The following TRHDE variants were observed in gnomAD, a reference collection of about 807,000 sequenced individuals.
TRHDE encodes the protein thyrotropin releasing hormone degrading enzyme.
Under a neutral mutation model 125.7 loss-of-function variants are expected in TRHDE, and 72 were observed. That is an observed-to-expected ratio of 0.57 (90% CI 0.47 to 0.70). TRHDE has a LOEUF of 0.70. Among genes scored for constraint, TRHDE ranks in the 30% least tolerant of loss-of-function variants. TRHDE has a pLI of 0.00. For missense variants in TRHDE, 1,110 were observed against 1,327.1 expected (o/e 0.84, Z 2.54); for synonymous variants, 509 against 509.1 (o/e 1.00, Z 0.00).
intron 2 of TRHDE, among the ~76,000 whole-genome samples, chr12:72,320,579 G>GTGTA (rs1304650995): frequency 1.3e-5 from 2 of 151,308 alleles, no homozygotes; most frequent in African/African-American, 4.9e-5. Context: ...GTGTGTGTGT[G>GTGTA]TGTAGCAAGT....
chr12:72,315,760 T>C (rs966099094), intron 2 of TRHDE, among the ~76,000 whole-genome samples: 2 of 152,236 alleles, frequency 1.3e-5, no homozygotes, highest in African/African-American at 4.8e-5. Context: ...TGATGCCCTC[T>C]TGTCCCTAAT....
chr12:72,578,324 G>A (rs138722145), intron 12 of TRHDE, among the ~76,000 whole-genome samples: 34 of 152,188 alleles, frequency 2.2e-4, no homozygotes, highest in Middle Eastern at 3.4e-3. Context: ...GAGCAGGGGT[G>A]GAGGAAGTAG....
At chr12:72,519,628 C>A (rs1162300975) in intron 6 of TRHDE, among the ~76,000 whole-genome samples, 1 of 152,242 alleles carries the variant, frequency 6.6e-6, no homozygotes, top group Admixed American at 6.5e-5. Context: ...TCATCTGAAG[C>A]CTTCCTCTCT....
chr12:72,397,828 ATTTAT>A (rs955273480), intron 3 of TRHDE, among the ~76,000 whole-genome samples: 6 of 151,930 alleles, frequency 3.9e-5, no homozygotes, highest in African/African-American at 1.5e-4. Context: ...TAATTAATTA[ATTTAT>A]TTATTTATTA....
intron 2 of TRHDE, among the ~76,000 whole-genome samples, chr12:72,182,132 A>G (rs1181817526): frequency 6.6e-6 from 1 of 152,182 alleles, no homozygotes; most frequent in Non-Finnish European, 1.5e-5. Context: ...AGAAATCAAA[A>G]TAGTCCTTTG....
chr12:72,347,914 G>T (rs1311804934), intron 2 of TRHDE, among the ~76,000 whole-genome samples: 2 of 151,970 alleles, frequency 1.3e-5, no homozygotes, highest in Non-Finnish European at 2.9e-5. Context: ...CTCAAAAGGA[G>T]AGGATTACAG....
rs1360179879 is a variant in TRHDE, at chr12:72,152,322, T to G, written n.279+46570T>G. On this transcript the variant is annotated intron_variant and non_coding_transcript_variant, in intron 2 of 4. Transcript: ENST00000548156. The stretch of plus-strand genomic sequence containing the variant: ...CTGAGACGATGGGGTTTTCTAGATA[T>G]ACAATCATGTCATCTGCAAACAGGG... Among the ~76,000 whole-genome samples the G allele has an allele frequency of 2.0e-5, 3 of 151,812 alleles. No individual in the cohort carries two copies. The East Asian group carries it at 5.8e-4, about 29-fold the overall frequency.
intron 2 of TRHDE, among the ~76,000 whole-genome samples, chr12:72,367,568 A>G (rs1871390254): frequency 6.6e-6 from 1 of 152,116 alleles, no homozygotes; most frequent in Non-Finnish European, 1.5e-5. Context: ...TCTGAATTTT[A>G]AATAAGACTA....
intron 12 of TRHDE, among the ~76,000 whole-genome samples, chr12:72,604,452 T>C (rs928152788): frequency 2.6e-5 from 4 of 151,914 alleles, no homozygotes; most frequent in African/African-American, 7.3e-5. Flanking sequence ...AAACATGTGA[T>C]TCTTGAGAAA....
chr12:72,512,729 G>T (rs1878662911), intron 6 of TRHDE, among the ~76,000 whole-genome samples: 1 of 148,264 alleles, frequency 6.7e-6, no homozygotes, highest in Non-Finnish European at 1.5e-5. Context: ...ACTTAGAAAG[G>T]AATAAATTAA....
chr12:72,127,180 GT>G (rs2139305267), intron 2 of TRHDE, among the ~76,000 whole-genome samples: 1 of 152,124 alleles, frequency 6.6e-6, no homozygotes, highest in East Asian at 1.9e-4. Context: ...TTATCAAAAC[GT>G]TAAAAAATAA....
chr12:72,622,573 G>T (rs1331638232), intron 15 of TRHDE, among the ~76,000 whole-genome samples: 1 of 151,964 alleles, frequency 6.6e-6, no homozygotes, highest in Non-Finnish European at 1.5e-5. Context: ...TACAGATGAT[G>T]CCATTTTATG....
chr12:72,459,614 A>G (rs1417475078), intron 3 of TRHDE, among the ~76,000 whole-genome samples: 4 of 152,052 alleles, frequency 2.6e-5, no homozygotes, highest in Non-Finnish European at 5.9e-5. Flanking sequence ...TAGTAGCTAG[A>G]GTATAAGCAT....
chr12:72,409,916 A>G (rs1043170095), intron 3 of TRHDE, among the ~76,000 whole-genome samples: 1 of 152,140 alleles, frequency 6.6e-6, no homozygotes, highest in African/African-American at 2.4e-5. Context: ...AGGTCCTTGC[A>G]TTATCCAGGA....
intron 7 of TRHDE, 85 bp downstream of exon 7, chr12:72,542,441 T>C (rs770702745): frequency 1.0e-3 from 1,180 of 1,131,024 alleles, no homozygotes; most frequent in Non-Finnish European, 1.4e-3. Flanking sequence ...ACAAAATTGC[T>C]GAACTTGGTG....
intron 3 of TRHDE, among the ~76,000 whole-genome samples, chr12:72,394,993 G>A (rs1291878781): frequency 6.6e-6 from 1 of 152,152 alleles, no homozygotes; most frequent in African/African-American, 2.4e-5. Context: ...ATTGTGGAAT[G>A]TCTAAGTCTA....
At chr12:72,131,414 T>A (rs1018168683) in intron 2 of TRHDE, among the ~76,000 whole-genome samples, 4 of 152,202 alleles carry the variant, frequency 2.6e-5, no homozygotes, top group African/African-American at 2.4e-5. Flanking sequence ...TATATTGTTA[T>A]TTTCATTTAA....
At chr12:72,513,239 C>A (rs1878685736) in intron 6 of TRHDE, among the ~76,000 whole-genome samples, 1 of 152,014 alleles carries the variant, frequency 6.6e-6, no homozygotes, top group African/African-American at 2.4e-5. Context: ...GAATTCAGGG[C>A]TTTATTAATT....
intron 9 of TRHDE, 111 bp from the exon 10 acceptor site, chr12:72,568,457 G>T: frequency 3.5e-6 from 2 of 578,958 alleles, no homozygotes; most frequent in Middle Eastern, 5.1e-4. Flanking sequence ...TTTTTTTTTA[G>T]TTCACCTAAT....
Sources: gnomAD v4.1 joint callset for allele counts (sites outside exome capture counted in the v4.1 genomes callset) on GRCh38, gnomAD v4.1.1 for gene constraint, MANE v1.5 for transcripts, NCBI Gene and HGNC (gene_info 2026-07-23, HGNC 2026-07-21) for gene names.